The following GPT2 variants were observed in gnomAD, a reference collection of about 807,000 sequenced individuals.
GPT2 encodes glutamic--pyruvic transaminase 2, also known as alanine aminotransferase 2.
Under a neutral mutation model 56.9 loss-of-function variants are expected in GPT2, and 30 were observed. That is an observed-to-expected ratio of 0.53 (90% CI 0.39 to 0.72). GPT2 has a LOEUF of 0.72. Among genes scored for constraint, GPT2 ranks in the 30% least tolerant of loss-of-function variants. The pLI, the probability that GPT2 is intolerant of heterozygous loss-of-function variation, is 0.00. For synonymous variants in GPT2, 271 were observed against 283.1 expected, an observed-to-expected ratio of 0.96 and a Z score of 0.43; for missense variants, 542 against 703.4, an observed-to-expected ratio of 0.77 and a Z score of 2.60.
In GPT2 at chr16:46,929,428, G is replaced by A. The variant is rs141523762; in HGVS notation, c.*431G>A. 724 of 190,832 alleles carry A rather than the reference G, an allele frequency of 3.8e-3. 4 individuals carry two copies. Among genetic ancestry groups the A allele is most frequent in the Non-Finnish European group, 6.1e-3 (550 of 89,874 alleles). The allele number at this position is 190,832 out of a possible 1,614,324, so 11.8% of individuals were successfully genotyped here. A position where few individuals can be genotyped will look rare whatever the true frequency, so the allele number is the denominator to read the frequency against. ...TGATCTGTGAAATAAAGCCCTTAGC[G>A]GTGTGAAGCATCCGGTCCTTTGAAC... On this transcript the variant is annotated 3_prime_UTR_variant, in exon 12 of 12. Transcript: ENST00000340124.
intron 9 of GPT2, 135 bp from the exon 10 acceptor site, chr16:46,924,254 C>T: frequency 1.1e-6 from 1 of 934,860 alleles, no homozygotes; most frequent in South Asian, 1.4e-5. Flanking sequence ...ACGCATGGGT[C>T]AGAGGGGACA....
At chr16:46,904,321 G>A (rs764609092) in intron 4 of GPT2, among the ~76,000 whole-genome samples, 4 of 152,210 alleles carry the variant, frequency 2.6e-5, no homozygotes, top group African/African-American at 2.4e-5. Flanking sequence ...TGAGGTGGGA[G>A]AATTGCTCGA....
At chr16:46,922,128 C>A in intron 8 of GPT2, 114 bp from the exon 9 acceptor site, 1 of 944,108 alleles carries the variant, frequency 1.1e-6, no homozygotes, top group Non-Finnish European at 1.6e-6. Flanking sequence ...AACTCAGCCA[C>A]ACCTGGCCAT....
intron 2 of GPT2, among the ~76,000 whole-genome samples, chr16:46,886,809 C>T (rs533165684): frequency 2.0e-5 from 3 of 152,272 alleles, no homozygotes; most frequent in African/African-American, 4.8e-5. Flanking sequence ...ATTTCTTGGT[C>T]ACTGGGCCAG....
chr16:46,901,678 G>A (rs1960819811), intron 4 of GPT2, among the ~76,000 whole-genome samples: 1 of 152,176 alleles, frequency 6.6e-6, no homozygotes, highest in Non-Finnish European at 1.5e-5. Flanking sequence ...GCAGGGGAGT[G>A]GCCCCCCTTG....
Position 46,918,524 on chromosome 16 carries a change from A to G in GPT2, c.901-97A>G, listed in dbSNP as rs533242951. On this transcript the variant is annotated intron_variant, in intron 7 of 11. Coordinates refer to ENST00000340124, the MANE Select transcript of GPT2 (RefSeq NM_133443.4). ...CAGGAGGCTGGGCCGGCTGGGCCTC[A>G]TGGCCCACAGCACCTGTGCCCTCCC... 9.2e-5 allele frequency: 128 copies of G among 1,397,458 alleles called. No individual in the cohort carries two copies. The African/African-American group carries it at 1.4e-3, about 15-fold the overall frequency. The allele number at this position is 1,397,458 out of a possible 1,614,324, so 86.6% of individuals were successfully genotyped here. A position where few individuals can be genotyped will look rare whatever the true frequency, so the allele number is the denominator to read the frequency against.
intron 5 of GPT2, among the ~76,000 whole-genome samples, chr16:46,909,331 A>G (rs1189423440): frequency 2.6e-5 from 4 of 152,138 alleles, no homozygotes; most frequent in South Asian, 2.1e-4. Flanking sequence ...ATTTTTAAGT[A>G]GGGAGGTGGA....
intron 2 of GPT2, among the ~76,000 whole-genome samples, chr16:46,887,977 C>T (rs926782321): frequency 3.3e-5 from 5 of 152,188 alleles, no homozygotes; most frequent in African/African-American, 9.7e-5. Context: ...CTTTTCAGAT[C>T]CTGGTGTTCA....
chr16:46,905,587 C>T (rs1259802466), intron 4 of GPT2, among the ~76,000 whole-genome samples: 1 of 152,200 alleles, frequency 6.6e-6, no homozygotes, highest in Admixed American at 6.5e-5. Flanking sequence ...CCCCCATGCA[C>T]TTCCACAGGG....
In GPT2 at chr16:46,889,152, G is replaced by T. The variant is rs1455371832; in HGVS notation, c.243+4194G>T. Reference sequence around the variant, plus strand: ...AGCGATCCTTACACTTCAGCCTCTTGAGTAGCTGGGACCACAAGGCGTATG... The same window carrying T: ...AGCGATCCTTACACTTCAGCCTCTTTAGTAGCTGGGACCACAAGGCGTATG... On this transcript the variant is annotated intron_variant, in intron 2 of 11. Transcript: ENST00000340124. Among the ~76,000 whole-genome samples the T allele has an allele frequency of 2.0e-5, 3 of 150,404 alleles. No homozygotes were observed. In the East Asian group the frequency reaches 5.9e-4, roughly 30 times the overall value.
At chr16:46,896,769 C>T (rs967253462) in intron 2 of GPT2, among the ~76,000 whole-genome samples, 1 of 152,186 alleles carries the variant, frequency 6.6e-6, no homozygotes, top group Admixed American at 6.5e-5. Flanking sequence ...AGCAGCTGTT[C>T]GGGATGCTTG....
At chr16:46,901,656 G>C (rs576219504) in intron 4 of GPT2, among the ~76,000 whole-genome samples, 1 of 152,216 alleles carries the variant, frequency 6.6e-6, no homozygotes, top group South Asian at 2.1e-4. Flanking sequence ...ACAGATTCCC[G>C]TGGCTTGCTC....
At position 46,918,656 on chromosome 16, in the gene GPT2, A is replaced by G; in HGVS notation, c.936A>G (p.Arg312=). The part of the protein sequence containing the change: ...YQDNVYSPDC[R]FHSFKKVLYE... ...ACAACGTGTACTCTCCAGATTGCAG[A>G]TTCCACTCCTTCAAGAAGGTGCTGT... Residue 312 remains arginine, a synonymous_variant, in exon 8 of 12, where the codon AGA becomes AGG. Coordinates refer to ENST00000340124, the MANE Select transcript of GPT2 (RefSeq NM_133443.4). 6.2e-7 allele frequency: 1 copy of G among 1,614,146 alleles called. No individual in the cohort carries two copies. Among genetic ancestry groups the G allele is most frequent in the Non-Finnish European group, 8.5e-7 (1 of 1,180,012 alleles).
Position 46,922,317 on chromosome 16 carries a change from G to T in GPT2, c.1113G>T (p.Leu371=), listed in dbSNP as rs746935511. 1.9e-6 allele frequency: 3 copies of T among 1,614,086 alleles called. No homozygotes were observed. Among genetic ancestry groups the T allele is most frequent in the African/African-American group, 1.3e-5 (1 of 74,940 alleles). The change falls in exon 9 of 12, where the codon CTG becomes CTT. Residue 371 remains leucine, a synonymous_variant. Transcript: ENST00000340124. The stretch of plus-strand genomic sequence containing the variant: ...TCAAGGGCCAGCTGGTGAAGCTGCT[G>T]TCGGTGCGCCTGTGCCCCCCAGTGT... ...PEIKGQLVKL[L]SVRLCPPVSG... is the part of the protein sequence containing the mutation.
chr16:46,906,751 G>T, intron 4 of GPT2, 91 bp from the exon 5 acceptor site: 1 of 1,527,924 alleles, frequency 6.5e-7, no homozygotes. Flanking sequence ...ACCCCAAACA[G>T]GCATCCCTCT....
chr16:46,926,951 C>T lies in GPT2; in HGVS notation c.1395C>T (p.Phe465=). Residue 465 remains phenylalanine (F), a synonymous_variant, in exon 11 of 12, where the codon TTC becomes TTT. Coordinates refer to ENST00000340124, the MANE Select transcript of GPT2 (RefSeq NM_133443.4). Reference sequence around the variant, plus strand: ...CCCATCAAATGGCTCCAGACATGTTCTACTGCATGAAGCTCCTGGAGGAGA... The same window carrying T: ...CCCATCAAATGGCTCCAGACATGTTTTACTGCATGAAGCTCCTGGAGGAGA... The part of the protein sequence containing the change: ...AQAHQMAPDM[F]YCMKLLEETG... 1 of 1,603,060 alleles carries T rather than the reference C, an allele frequency of 6.2e-7. No homozygotes were observed. The highest frequency in any genetic ancestry group is 8.5e-7 in the Non-Finnish European group (1 of 1,175,284).
chr16:46,899,018 T>C (rs77775193), intron 3 of GPT2, among the ~76,000 whole-genome samples: 2,270 of 6,124 alleles, frequency 0.37, 281 homozygotes, highest in Non-Finnish European at 0.4. Context: ...TATATATATA[T>C]ATATATATAT....
intron 2 of GPT2, among the ~76,000 whole-genome samples, chr16:46,889,917 C>T (rs1323147491): frequency 2.0e-5 from 3 of 152,304 alleles, no homozygotes; most frequent in Non-Finnish European, 4.4e-5. Flanking sequence ...TTGCTCTTTC[C>T]TCCTGGGCCT....
Position 46,910,380 on chromosome 16 carries a change from C to CAAAAAAA in GPT2, c.820+475_820+481dup, listed in dbSNP as rs4039999. Among the ~76,000 whole-genome samples the CAAAAAAA allele has an allele frequency of 6.5e-4, 30 of 46,474 alleles. 3 individuals carry two copies. The highest frequency in any genetic ancestry group is 2.8e-3 in the African/African-American group (27 of 9,546). The allele number at this position is 46,474 out of a possible 152,430, so 30.5% of individuals were successfully genotyped here. ...TGGGTGACAGAGCGAGACTCTGTCTCAAAAAAAAAAAAAAAAAAAAAAAAA... is the reference window on the plus strand; with the variant it reads ...TGGGTGACAGAGCGAGACTCTGTCTCAAAAAAAAAAAAAAAAAAAAAAAAAAAAAAAA... On this transcript the variant is annotated intron_variant, in intron 6 of 11. Transcript: ENST00000340124.
Sources: gnomAD v4.1 joint callset for allele counts (sites outside exome capture counted in the v4.1 genomes callset) on GRCh38, gnomAD v4.1.1 for gene constraint, MANE v1.5 for transcripts, NCBI Gene and HGNC (gene_info 2026-07-23, HGNC 2026-07-21) for gene names.